Variants in PSD3 observed in about 807,000 individuals in gnomAD.
PSD3 encodes pleckstrin and Sec7 domain containing 3.
A neutral mutation model predicts 105.5 loss-of-function variants in PSD3; 49 were observed. The observed-to-expected ratio is 0.46, with a 90% confidence interval of 0.37 to 0.59. The LOEUF (loss-of-function observed/expected upper bound fraction) is 0.59, where lower values mean the gene tolerates loss of function less well. PSD3 is among the 20% of genes least tolerant of loss of function. PSD3 has a pLI of 0.00. For synonymous variants in PSD3, 557 were observed against 457.8 expected (o/e 1.22, Z -2.77); for missense variants, 1,561 against 1,263.8 (o/e 1.24, Z -3.57).
chr8:19,029,216 G>C (rs1307977830), intron 1 of PSD3, among the ~76,000 whole-genome samples: 2 of 152,140 alleles, frequency 1.3e-5, no homozygotes, highest in East Asian at 3.8e-4. Flanking sequence ...GATGTCAATT[G>C]GGATGGCACT....
chr8:18,747,172 C>A lies in PSD3; in HGVS notation c.2172+18277G>T, dbSNP rs181316061. ...ATACTAACGATTTAAAAATGTACCACAAATTGGAGCTTGGCCTTTTCATAA... is the reference window on the plus strand; with the variant it reads ...ATACTAACGATTTAAAAATGTACCAAAAATTGGAGCTTGGCCTTTTCATAA... On this transcript the variant is annotated intron_variant, in intron 9 of 15. Transcript: ENST00000327040. 9.2e-5 allele frequency among the ~76,000 whole-genome samples: 14 copies of A among 152,330 alleles called. No individual in the cohort carries two copies. The East Asian group carries it at 2.1e-3, about 23-fold the overall frequency.
chr8:18,803,880 A>T (rs1810958679), intron 6 of PSD3, among the ~76,000 whole-genome samples: 1 of 152,124 alleles, frequency 6.6e-6, no homozygotes, highest in African/African-American at 2.4e-5. Flanking sequence ...CAACATTATG[A>T]ATGTTTTTAA....
At chr8:18,683,260 G>A (rs1800483455) in intron 9 of PSD3, among the ~76,000 whole-genome samples, 2 of 152,154 alleles carry the variant, frequency 1.3e-5, no homozygotes, top group Non-Finnish European at 1.5e-5. Context: ...TATGCCTGGG[G>A]CTAACCACTC....
intron 4 of PSD3, among the ~76,000 whole-genome samples, chr8:18,836,384 T>C (rs1814108783): frequency 6.6e-6 from 1 of 152,240 alleles, no homozygotes; most frequent in Admixed American, 6.5e-5. Context: ...CACCATAGAA[T>C]ACCAAAAGGA....
At chr8:18,863,994 C>T (rs1246804093) in intron 4 of PSD3, among the ~76,000 whole-genome samples, 2 of 151,870 alleles carry the variant, frequency 1.3e-5, no homozygotes, top group African/African-American at 4.8e-5. Flanking sequence ...CAGCCGAGAA[C>T]AGTGTCATCC....
chr8:18,902,075 G>T (rs1819541046), intron 2 of PSD3, among the ~76,000 whole-genome samples: 1 of 152,074 alleles, frequency 6.6e-6, no homozygotes, highest in South Asian at 2.1e-4. Flanking sequence ...GAGATTCCTG[G>T]CTCTAGATGT....
At chr8:19,054,366 A>T (rs1306984346) in intron 1 of PSD3, among the ~76,000 whole-genome samples, 1 of 152,190 alleles carries the variant, frequency 6.6e-6, no homozygotes, top group Non-Finnish European at 1.5e-5. Context: ...TGCAGGGACA[A>T]TGGCTACCTG....
At chr8:18,573,916 T>A (rs1215482937) in intron 13 of PSD3, among the ~76,000 whole-genome samples, 1 of 152,230 alleles carries the variant, frequency 6.6e-6, no homozygotes, top group African/African-American at 2.4e-5. Context: ...GAAATGTACA[T>A]TTCAAACTGG....
intron 12 of PSD3, among the ~76,000 whole-genome samples, chr8:18,599,908 G>C (rs1287831268): frequency 6.6e-6 from 1 of 152,130 alleles, no homozygotes; most frequent in African/African-American, 2.4e-5. Context: ...TTATAAATTA[G>C]TCACAGTAAG....
chr8:18,562,221 A>G (rs1801436116), intron 14 of PSD3, among the ~76,000 whole-genome samples: 1 of 152,136 alleles, frequency 6.6e-6, no homozygotes, highest in African/African-American at 2.4e-5. Flanking sequence ...TTTTCCTCCA[A>G]GCTGTGGGAT....
At position 18,936,106 on chromosome 8, in the gene PSD3, G is replaced by C; in HGVS notation, c.58C>G (p.His20Asp). ...TTGGCCTTGGCAACACTCTGGGAAT[G>C]TGCAGATGCATTGTTCACCCAAACA... is the stretch of plus-strand genomic sequence containing the variant. ...TFVWVNNASAHSQSVAKAKYE... is the reference protein window; with the variant it reads ...TFVWVNNASADSQSVAKAKYE... The change falls in exon 2 of 16, where the codon CAT becomes GAT. Residue 20 changes from histidine (H) to aspartate (D), a missense_variant. His to Asp is a moderately conservative substitution (Grantham distance 81). Coordinates refer to ENST00000327040, the MANE Select transcript of PSD3 (RefSeq NM_015310.4). 3.1e-6 allele frequency: 5 copies of C among 1,613,154 alleles called. No homozygotes were observed. The highest frequency in any genetic ancestry group is 2.2e-5 in the East Asian group (1 of 44,858).
chr8:18,807,040 T>G (rs981886117), intron 4 of PSD3, among the ~76,000 whole-genome samples: 1 of 152,204 alleles, frequency 6.6e-6, no homozygotes, highest in African/African-American at 2.4e-5. Context: ...GTATTTCAAT[T>G]ATCTCAATGG....
At chr8:18,786,963 T>A (rs2129445870) in intron 8 of PSD3, 1 of 152,308 alleles carries the variant, frequency 6.6e-6, no homozygotes, top group East Asian at 1.9e-4. Flanking sequence ...GGAATAAAAG[T>A]AAAATGAAGT....
At chr8:19,074,854 T>TGG (rs1829412928) in intron 1 of PSD3, among the ~76,000 whole-genome samples, 2 of 151,704 alleles carry the variant, frequency 1.3e-5, no homozygotes, top group Admixed American at 6.6e-5. Flanking sequence ...TCTCCTGACC[T>TGG]TGTGATCCGC....
intron 9 of PSD3, among the ~76,000 whole-genome samples, chr8:18,763,196 A>G (rs529108211): frequency 1.3e-5 from 2 of 152,372 alleles, no homozygotes. Flanking sequence ...TCAATACGTA[A>G]CAATAAAAGC....
intron 9 of PSD3, among the ~76,000 whole-genome samples, chr8:18,726,405 C>T (rs1299788926): frequency 1.3e-5 from 2 of 152,210 alleles, no homozygotes; most frequent in African/African-American, 2.4e-5. Flanking sequence ...AAAAGATCCA[C>T]TGTAATTCCC....
chr8:18,856,165 C>G (rs1160936474), intron 4 of PSD3, among the ~76,000 whole-genome samples: 2 of 152,164 alleles, frequency 1.3e-5, no homozygotes, highest in Non-Finnish European at 1.5e-5. Context: ...GCCTTCACAG[C>G]CCACCTCAAA....
chr8:18,894,362 G>C lies in PSD3; in HGVS notation c.131-21629C>G, dbSNP rs1449017479. On this transcript the variant is annotated intron_variant, in intron 2 of 15. Transcript: ENST00000327040. ...AAAACCTCAAAATGACTAAATATAA[G>C]GCTCTACATCAATAATTCCATAGCT... Among the ~76,000 whole-genome samples the C allele has an allele frequency of 2.6e-5, 4 of 152,192 alleles. No homozygotes were observed. The East Asian group carries it at 7.7e-4, about 29-fold the overall frequency.
chr8:19,024,709 G>C (rs117743820), intron 1 of PSD3, among the ~76,000 whole-genome samples: 32 of 152,224 alleles, frequency 2.1e-4, no homozygotes, highest in South Asian at 2.1e-4. Context: ...AGGAAGGGGA[G>C]AGGGGGTCTG....
Sources: allele counts gnomAD v4.1 joint callset (sites outside exome capture counted in the v4.1 genomes callset), GRCh38; gene constraint gnomAD v4.1.1; transcripts MANE v1.5; gene names NCBI Gene and HGNC (gene_info 2026-07-23, HGNC 2026-07-21).